Variants in CHN2 observed in about 807,000 individuals in gnomAD.
CHN2 encodes chimerin 2, also known as beta-chimaerin.
In CHN2, 35 loss-of-function variants were observed where a neutral mutation model predicts 56.3. The ratio of observed to expected loss-of-function variants is 0.62; its 90% CI spans 0.47 to 0.82. The LOEUF (loss-of-function observed/expected upper bound fraction) is 0.82. Among genes scored for constraint, CHN2 ranks in the 40% least tolerant of loss-of-function variants. The pLI is 0.00. For synonymous variants in CHN2, 210 were observed against 212.8 expected (o/e 0.99, Z 0.12); for missense variants, 491 against 580.5 (o/e 0.85, Z 1.58).
chr7:29,262,517 AG>A lies in CHN2; in HGVS notation c.49+67528del, dbSNP rs375177876. Among the ~76,000 whole-genome samples, 456 of 152,374 alleles carry A rather than the reference AG, an allele frequency of 3.0e-3. 3 individuals are homozygous for A. The highest frequency in any genetic ancestry group is 0.01 in the African/African-American group (431 of 41,596). ...ATAAAGATCTTTCTTTGAAATCAGTAGAGAGAATAGATTAAATATAATTGTT... is the reference window on the plus strand; with the variant it reads ...ATAAAGATCTTTCTTTGAAATCAGTAAGAGAATAGATTAAATATAATTGTT... On this transcript the variant is annotated intron_variant, in intron 1 of 12. Coordinates refer to ENST00000222792, the MANE Select transcript of CHN2 (RefSeq NM_004067.4).
chr7:29,146,999 C>T (rs776033025), intron 2 of CHN2: 249 of 1,550,362 alleles, frequency 1.6e-4, no homozygotes, highest in Non-Finnish European at 2.1e-4. Context: ...GCCAAGCACT[C>T]TCCTGAATCA....
chr7:29,215,264 G>T (rs34727209), intron 1 of CHN2, among the ~76,000 whole-genome samples: 20,134 of 152,198 alleles, frequency 0.13, 1,690 homozygotes, highest in Non-Finnish European at 0.19. Flanking sequence ...TGCACGGGGA[G>T]TCTTACAGTG....
chr7:29,410,045 C>T (rs1002494525), intron 6 of CHN2, among the ~76,000 whole-genome samples: 2 of 152,184 alleles, frequency 1.3e-5, no homozygotes, highest in African/African-American at 2.4e-5. Flanking sequence ...TTCCCAGTGG[C>T]TCTCACTAGG....
chr7:29,222,942 A>G (rs1330452365), intron 1 of CHN2, among the ~76,000 whole-genome samples: 1 of 152,206 alleles, frequency 6.6e-6, no homozygotes, highest in African/African-American at 2.4e-5. Flanking sequence ...AGTAATGGTT[A>G]CAGATATATG....
rs55948663 is a variant in CHN2, at chr7:29,281,271, C to CT, written c.50-73346dup. On this transcript the variant is annotated intron_variant, in intron 1 of 12. Transcript: ENST00000222792. ...TGTGCACATATTCTTCTTTTTTCCT[C>CT]TTTTTTTTGTTGCAGAAATGATAAC... is the stretch of plus-strand genomic sequence containing the variant. Among the ~76,000 whole-genome samples the CT allele has an allele frequency of 1.8e-3, 273 of 152,040 alleles. 2 individuals are homozygous for CT. Among genetic ancestry groups the CT allele is most frequent in the African/African-American group, 5.4e-3 (225 of 41,470 alleles).
chr7:29,292,980 C>T (rs553535548), intron 1 of CHN2: 36 of 456,250 alleles, frequency 7.9e-5, no homozygotes, highest in African/African-American at 6.4e-4. Context: ...CAGATGATGT[C>T]ACTCCTCCGT....
At chr7:29,437,503 C>A (rs1783320788) in intron 6 of CHN2, among the ~76,000 whole-genome samples, 1 of 104,164 alleles carries the variant, frequency 9.6e-6, no homozygotes, top group African/African-American at 4.9e-5. Flanking sequence ...GAGGCTGAGG[C>A]AGGAGAATGG....
intron 3 of CHN2, among the ~76,000 whole-genome samples, chr7:29,389,865 G>A (rs1801218961): frequency 6.6e-6 from 1 of 151,702 alleles, no homozygotes; most frequent in Non-Finnish European, 1.5e-5. Flanking sequence ...ACCAGCCTGG[G>A]CAACATGGTG....
At chr7:29,404,153 A>C (rs1233844171) in intron 6 of CHN2, among the ~76,000 whole-genome samples, 2 of 151,996 alleles carry the variant, frequency 1.3e-5, no homozygotes, top group African/African-American at 4.8e-5. Flanking sequence ...TTGAGCGAAC[A>C]CCCTTGGTTT....
chr7:29,483,432 C>T (rs937055855), intron 7 of CHN2, among the ~76,000 whole-genome samples: 1 of 152,110 alleles, frequency 6.6e-6, no homozygotes, highest in Non-Finnish European at 1.5e-5. Context: ...GGACAGTTGG[C>T]ACCTCATCGC....
At chr7:29,150,770 TG>T (rs1793479030) in intron 2 of CHN2, among the ~76,000 whole-genome samples, 1 of 152,210 alleles carries the variant, frequency 6.6e-6, no homozygotes, top group Admixed American at 6.5e-5. Flanking sequence ...TCCTTTTCAG[TG>T]TTGTTACTGA....
intron 1 of CHN2, among the ~76,000 whole-genome samples, chr7:29,307,092 C>T (rs910855069): frequency 1.3e-5 from 2 of 152,168 alleles, no homozygotes; most frequent in African/African-American, 4.8e-5. Flanking sequence ...TTCGCTGATT[C>T]GCCTTCAGCT....
rs118025942 is a variant in CHN2, at chr7:29,483,337, C to G, written c.654+2981C>G. ...TTGCGCTCTATTCTCTCAGAAAGCT[C>G]ACAGTCACTGCCTTTGCTTCTCAAA... On this transcript the variant is annotated intron_variant, in intron 7 of 12. Transcript: ENST00000222792. 3.4e-3 allele frequency among the ~76,000 whole-genome samples: 513 copies of G among 152,296 alleles called. 11 individuals are homozygous for G. The highest frequency in any genetic ancestry group is 0.023 in the Admixed American group (356 of 15,306).
At chr7:29,170,835 T>C (rs749595110) in intron 2 of CHN2, among the ~76,000 whole-genome samples, 1 of 152,162 alleles carries the variant, frequency 6.6e-6, no homozygotes, top group African/African-American at 2.4e-5. Context: ...TCACATCTTA[T>C]GTGGATGGCT....
intron 1 of CHN2, chr7:29,213,280 C>T: frequency 2.4e-6 from 2 of 816,490 alleles, no homozygotes; most frequent in Admixed American, 3.4e-5. Context: ...CCTCTCCCCT[C>T]CTCCCCTCCC....
At chr7:29,388,189 G>T (rs189270818) in intron 3 of CHN2, among the ~76,000 whole-genome samples, 2 of 152,356 alleles carry the variant, frequency 1.3e-5, no homozygotes, top group African/African-American at 2.4e-5. Context: ...CAGATAACAA[G>T]GGGTAGCTGC....
At chr7:29,285,717 C>G (rs1490438350) in intron 1 of CHN2, among the ~76,000 whole-genome samples, 1 of 152,210 alleles carries the variant, frequency 6.6e-6, no homozygotes, top group Non-Finnish European at 1.5e-5. Context: ...ACCATTGTGT[C>G]TCATCAGGGA....
At chr7:29,411,046 A>T (rs929579500) in intron 6 of CHN2, among the ~76,000 whole-genome samples, 1 of 152,166 alleles carries the variant, frequency 6.6e-6, no homozygotes, top group Non-Finnish European at 1.5e-5. Context: ...TCAAATAAAC[A>T]TTTCTCTATC....
intron 2 of CHN2, among the ~76,000 whole-genome samples, chr7:29,364,721 C>T (rs1290809614): frequency 2.0e-5 from 3 of 152,180 alleles, no homozygotes; most frequent in Admixed American, 2.0e-4. Flanking sequence ...TTAAAAGAAG[C>T]CTTCTCTGAC....
Sources: allele counts gnomAD v4.1 joint callset (sites outside exome capture counted in the v4.1 genomes callset), GRCh38; gene constraint gnomAD v4.1.1; transcripts MANE v1.5; gene names NCBI Gene and HGNC (gene_info 2026-07-23, HGNC 2026-07-21).